The following TAF4 variants were observed in gnomAD, a reference collection of about 807,000 sequenced individuals.
TAF4 encodes the protein transcription initiation factor TFIID subunit 4.
TAF4 carries 9 observed loss-of-function variants against 90.3 expected under a neutral mutation model. The observed-to-expected ratio is 0.10, with a 90% CI of 0.06 to 0.17. The LOEUF (loss-of-function observed/expected upper bound fraction) is 0.17. Among genes scored for constraint, TAF4 ranks in the 10% least tolerant of loss-of-function variants. The pLI is 1.00. For missense variants in TAF4, 1,351 were observed against 1,370.7 expected (o/e 0.99, Z 0.23); for synonymous variants, 818 against 638.9 (o/e 1.28, Z -4.23).
chr20:62,046,025 A>G (rs1182065545), intron 1 of TAF4, among the ~76,000 whole-genome samples: 1 of 152,234 alleles, frequency 6.6e-6, no homozygotes, highest in Non-Finnish European at 1.5e-5. Flanking sequence ...GCAGTTAACT[A>G]GGCTGTTTCC....
At position 62,065,336 on chromosome 20, in the gene TAF4, TGGCGGGGCC is replaced by T. The variant is rs1475087321; in HGVS notation, c.466_474del (p.Gly156_Ala158del). The T allele has an allele frequency of 6.4e-6, 6 of 930,402 alleles. No individual in the cohort carries two copies. The highest frequency in any genetic ancestry group is 1.5e-4 in the East Asian group (1 of 6,880). The allele number at this position is 930,402 out of a possible 1,614,324, so 57.6% of individuals were successfully genotyped here. A position where few individuals can be genotyped will look rare whatever the true frequency, so the allele number is the denominator to read the frequency against. On this transcript the variant is annotated inframe_deletion, in exon 1 of 15. Coordinates refer to ENST00000252996, the MANE Select transcript of TAF4 (RefSeq NM_003185.4). ...GCCAGCGCGGCGGGGCCGGCGGGCT[TGGCGGGGCC>T]GGCGGGGGCGGGCTCGGGCCCCGCG...
At chr20:62,042,561 G>A (rs557650235) in intron 1 of TAF4, among the ~76,000 whole-genome samples, 136 of 152,308 alleles carry the variant, frequency 8.9e-4, no homozygotes, top group African/African-American at 3.3e-3. Context: ...ACTGTGGGGC[G>A]GGAGCCCAAA....
chr20:62,055,849 C>T (rs1197679063), intron 1 of TAF4, among the ~76,000 whole-genome samples: 1 of 152,192 alleles, frequency 6.6e-6, no homozygotes, highest in East Asian at 1.9e-4. Flanking sequence ...ACGGACACAC[C>T]ATGAAAGCAG....
chr20:62,029,712 C>A (rs1037772597), intron 1 of TAF4, among the ~76,000 whole-genome samples: 1 of 152,162 alleles, frequency 6.6e-6, no homozygotes, highest in Non-Finnish European at 1.5e-5. Flanking sequence ...TCGAGACCAG[C>A]CTGGCCAACA....
At chr20:61,983,035 G>C (rs1430500346) in intron 14 of TAF4, among the ~76,000 whole-genome samples, 3 of 152,220 alleles carry the variant, frequency 2.0e-5, no homozygotes, top group Non-Finnish European at 2.9e-5. Flanking sequence ...GACATCCTCA[G>C]GCTCTGAGTG....
Position 62,003,770 on chromosome 20 carries a change from T to C in TAF4, c.2332A>G (p.Thr778Ala). The C allele has an allele frequency of 6.2e-7, 1 of 1,607,988 alleles. No individual in the cohort carries two copies. Among genetic ancestry groups the C allele is most frequent in the Non-Finnish European group, 8.5e-7 (1 of 1,179,338 alleles). Residue 778 changes from threonine to alanine, a missense_variant, in exon 8 of 15, where the codon ACC becomes GCC. By Grantham distance (58) the Thr-to-Ala change is moderately conservative. Transcript: ENST00000252996. ...LRQPHNRIMLTTPQQIQLNPL... is the reference protein window; with the variant it reads ...LRQPHNRIMLATPQQIQLNPL... ...TTCAGCTGGATCTGCTGAGGCGTGG[T>C]GAGCATGATCCGGTTGTGAGGCTGC...
At chr20:62,017,828 C>T (rs6061955) in intron 1 of TAF4, among the ~76,000 whole-genome samples, 36,124 of 148,616 alleles carry the variant, frequency 0.24, 6,151 homozygotes, top group East Asian at 0.48. Context: ...AGCAAGAGTC[C>T]ACCTCAAAAA....
At chr20:62,005,912 A>C (rs1271240992) in intron 7 of TAF4, 3 of 152,272 alleles carry the variant, frequency 2.0e-5, no homozygotes, top group African/African-American at 7.2e-5. Flanking sequence ...CGTTTGGTGA[A>C]TCCCTCTGCC....
chr20:62,045,560 A>G (rs553942222), intron 1 of TAF4, among the ~76,000 whole-genome samples: 90 of 152,338 alleles, frequency 5.9e-4, no homozygotes, highest in African/African-American at 2.0e-3. Context: ...ACAGACTAGC[A>G]TGCGTTTCTT....
chr20:62,023,527 T>C lies in TAF4; in HGVS notation c.1361-8820A>G, dbSNP rs955807431. ...CTTCGGAAGGCCGAGGCGGGGAGACTGCTTGGGCTCAGGAGTTCGAGACCA... is the reference window on the plus strand; with the variant it reads ...CTTCGGAAGGCCGAGGCGGGGAGACCGCTTGGGCTCAGGAGTTCGAGACCA... On this transcript the variant is annotated intron_variant, in intron 1 of 14. Transcript: ENST00000252996. Among the ~76,000 whole-genome samples the C allele has an allele frequency of 2.0e-5, 3 of 150,350 alleles. No homozygotes were observed. In the South Asian group the frequency reaches 6.4e-4, roughly 32 times the overall value.
intron 12 of TAF4, 30 bp from the exon 13 acceptor site, chr20:61,998,222 T>A (rs2055675648): frequency 6.2e-7 from 1 of 1,604,484 alleles, no homozygotes; most frequent in African/African-American, 1.3e-5. Context: ...AAAAGAAAAG[T>A]AAGTTATGAA....
At chr20:62,056,555 A>G (rs1479411138) in intron 1 of TAF4, among the ~76,000 whole-genome samples, 2 of 152,218 alleles carry the variant, frequency 1.3e-5, no homozygotes, top group Admixed American at 1.3e-4. Flanking sequence ...ACCCTGGCAC[A>G]GGGGCCGTTA....
intron 14 of TAF4, among the ~76,000 whole-genome samples, chr20:61,991,586 C>A (rs1367593592): frequency 6.6e-6 from 1 of 151,560 alleles, no homozygotes; most frequent in Non-Finnish European, 1.5e-5. Context: ...GTGAGAGAGA[C>A]CCTGTCTCTA....
intron 2 of TAF4, among the ~76,000 whole-genome samples, chr20:62,013,315 G>A (rs1264900551): frequency 1.3e-5 from 2 of 152,178 alleles, no homozygotes; most frequent in Non-Finnish European, 2.9e-5. Flanking sequence ...GCCGCCCCTA[G>A]GCTAGATGGC....
At chr20:62,029,902 C>T (rs1267972899) in intron 1 of TAF4, among the ~76,000 whole-genome samples, 8 of 151,918 alleles carry the variant, frequency 5.3e-5, no homozygotes, top group African/African-American at 1.9e-4. Context: ...AAGACTCCGT[C>T]TCAAAAAAAA....
chr20:62,022,854 A>G (rs951769414), intron 1 of TAF4, among the ~76,000 whole-genome samples: 17 of 141,008 alleles, frequency 1.2e-4, no homozygotes, highest in Admixed American at 6.9e-5. Context: ...CTGGTCCAGC[A>G]CTTGCAGCCC....
chr20:62,000,005 G>A (rs2055688881), intron 11 of TAF4, 119 bp downstream of exon 11: 6 of 1,263,202 alleles, frequency 4.7e-6, no homozygotes, highest in African/African-American at 3.0e-5. Context: ...CGTTCGTAAG[G>A]AACATGGAGG....
At chr20:61,998,226 T>C in intron 12 of TAF4, 34 bp from the exon 13 acceptor site, 1 of 1,597,418 alleles carries the variant, frequency 6.3e-7, no homozygotes, top group Non-Finnish European at 8.6e-7. Flanking sequence ...GAAAAGTAAG[T>C]TATGAACTAA....
chr20:62,055,917 C>G (rs1352175529), intron 1 of TAF4, among the ~76,000 whole-genome samples: 1 of 152,236 alleles, frequency 6.6e-6, no homozygotes, highest in African/African-American at 2.4e-5. Context: ...CAGCCTTCCC[C>G]CGTGGCCCAG....
Sources: allele counts gnomAD v4.1 joint callset (sites outside exome capture counted in the v4.1 genomes callset), GRCh38; gene constraint gnomAD v4.1.1; transcripts MANE v1.5; gene names NCBI Gene and HGNC (gene_info 2026-07-23, HGNC 2026-07-21).